PAPLN: variants seen among roughly 807,000 people sequenced by gnomAD.
PAPLN encodes papilin.
A neutral mutation model predicts 159.0 loss-of-function variants in PAPLN; 146 were observed. The ratio of observed to expected loss-of-function variants is 0.92; its 90% confidence interval spans 0.80 to 1.05. The LOEUF (loss-of-function observed/expected upper bound fraction) is 1.05, where lower values mean the gene tolerates loss of function less well. PAPLN is among the 50% of genes least tolerant of loss of function. PAPLN has a pLI of 0.00. For synonymous variants in PAPLN, 734 were observed against 702.9 expected, an observed-to-expected ratio of 1.04 and a Z score of -0.70; for missense variants, 1,720 against 1,743.9, an observed-to-expected ratio of 0.99 and a Z score of 0.24.
At position 73,264,301 on chromosome 14, in the gene PAPLN, C is replaced by T. The variant is rs760659933; in HGVS notation, c.2952C>T (p.Gly984=). The T allele has an allele frequency of 6.2e-7, 1 of 1,613,862 alleles. No homozygotes were observed. Residue 984 remains glycine (G), a synonymous_variant, in exon 21 of 27, where the codon GGC becomes GGT. Transcript: ENST00000644200. ...ACAGCTGTGGCAGCACCCGGCCAGG[C>T]CGCGACTCCCAGAAGATCCAACTTC... ...GTYSCGSTRP[G]RDSQKIQLRI... is the part of the protein sequence containing the mutation.
In PAPLN at chr14:73,259,274, A is replaced by C. The variant is rs1345232633; in HGVS notation, c.1714A>C (p.Arg572=). The change falls in exon 16 of 27, where the codon AGA becomes CGA. Residue 572 remains arginine, a synonymous_variant. Transcript: ENST00000644200. ...CTTTTGCTTCTTCTTTCTAGACTCC[A>C]GAGGCCAGTGGTGGGCAGCCCAGGA... is the stretch of plus-strand genomic sequence containing the variant. ...GPQESPASDS[R]GQWWAAQEHP... 6.4e-7 allele frequency: 1 copy of C among 1,555,268 alleles called. No homozygotes were observed. The highest frequency in any genetic ancestry group is 1.4e-5 in the African/African-American group (1 of 73,194).
At chr14:73,239,322 C>T (rs1445642726) in intron 1 of PAPLN, among the ~76,000 whole-genome samples, 2 of 152,210 alleles carry the variant, frequency 1.3e-5, no homozygotes, top group African/African-American at 2.4e-5. Context: ...ACTTTTAGAG[C>T]ATTTGGGTTT....
At chr14:73,246,567 C>T (rs1884377200) in intron 5 of PAPLN, among the ~76,000 whole-genome samples, 2 of 151,102 alleles carry the variant, frequency 1.3e-5, no homozygotes, top group South Asian at 4.2e-4. Context: ...TTTTCTTTCT[C>T]TCTCGTTCTC....
intron 26 of PAPLN, 28 bp from the exon 27 acceptor site, chr14:73,272,467 A>G (rs1330402836): frequency 6.7e-7 from 1 of 1,489,878 alleles, no homozygotes; most frequent in Admixed American, 2.2e-5. Context: ...CTTCCTCACC[A>G]CCTTCTCTCT....
intron 14 of PAPLN, 29 bp downstream of exon 14, chr14:73,255,047 G>A (rs376243056): frequency 6.3e-5 from 100 of 1,596,518 alleles, no homozygotes; most frequent in African/African-American, 4.7e-4. Flanking sequence ...GGAGGAGTCC[G>A]GCCTCTGACC....
At chr14:73,248,075 CTGTGTGTGTGTG>C (rs71112722) in intron 5 of PAPLN, among the ~76,000 whole-genome samples, 4 of 45,594 alleles carry the variant, frequency 8.8e-5, no homozygotes, top group African/African-American at 1.6e-4. Flanking sequence ...CTCATATCCT[CTGTGTGTGTGTG>C]TGTGTGTGTG....
chr14:73,253,710 C>A (rs201943718), intron 11 of PAPLN, 44 bp from the exon 12 acceptor site: 3 of 1,528,756 alleles, frequency 2.0e-6, no homozygotes, highest in Non-Finnish European at 2.7e-6. Context: ...TGGGTTTCTG[C>A]CCATGCTCCT....
intron 25 of PAPLN, 31 bp from the exon 26 acceptor site, chr14:73,268,526 G>A: frequency 6.3e-7 from 1 of 1,596,222 alleles, no homozygotes; most frequent in Non-Finnish European, 8.5e-7. Context: ...AGAGGCCCTT[G>A]ATGGCTCTCC....
chr14:73,266,476 C>A, intron 23 of PAPLN, 25 bp from the exon 24 acceptor site: 1 of 1,611,952 alleles, frequency 6.2e-7, no homozygotes, highest in South Asian at 1.1e-5. Flanking sequence ...TGGGCTGGAG[C>A]CAACTGGCTG....
intron 26 of PAPLN, 120 bp from the exon 27 acceptor site, chr14:73,272,375 T>G (rs1428245312): frequency 1.0e-6 from 1 of 975,024 alleles, no homozygotes. Flanking sequence ...TAAGTGCACT[T>G]CGTTTTCAAT....
Position 73,260,793 on chromosome 14 carries a change from C to A in PAPLN, c.2070C>A (p.Thr690=), listed in dbSNP as rs144436642. 13 of 1,493,614 alleles carry A rather than the reference C, an allele frequency of 8.7e-6. No individual in the cohort carries two copies. Among genetic ancestry groups the A allele is most frequent in the Admixed American group, 2.5e-5 (1 of 40,698 alleles). The allele number at this position is 1,493,614 out of a possible 1,614,324, so 92.5% of individuals were successfully genotyped here. A position where few individuals can be genotyped will look rare whatever the true frequency, so the allele number is the denominator to read the frequency against. ...GCTKSYGGDS[T]GGMPRSRAVA... ...CAAAGTCGTATGGTGGTGACAGCAC[C>A]GGGGGCATGCCCAGGTCAAGGGCAG... Residue 690 remains threonine, a synonymous_variant, in exon 17 of 27, where the codon ACC becomes ACA. Coordinates refer to ENST00000644200, the MANE Select transcript of PAPLN (RefSeq NM_001365906.3).
rs776449368 is a variant in PAPLN, at chr14:73,252,171, A to ATGGCCCAGGGGAGGGCG, written c.967+33_967+34insCCCAGGGGAGGGCGTGG. On this transcript the variant is annotated intron_variant, in intron 10 of 26. Coordinates refer to ENST00000644200, the MANE Select transcript of PAPLN (RefSeq NM_001365906.3). ...GGGCGTGGATGGCCCAGGGGAGGGC[A>ATGGCCCAGGGGAGGGCG]TGGGCCCTGTGTGCTGGATCCCACG... 3.0e-5 allele frequency: 46 copies of ATGGCCCAGGGGAGGGCG among 1,556,618 alleles called. No individual in the cohort carries two copies. In the East Asian group the frequency reaches 1.1e-3, roughly 36 times the overall value.
intron 11 of PAPLN, among the ~76,000 whole-genome samples, chr14:73,253,406 C>T (rs1367060698): frequency 2.0e-5 from 3 of 152,208 alleles, no homozygotes; most frequent in Non-Finnish European, 2.9e-5. Context: ...CATGGGTGAG[C>T]ACAGCCTCTC....
rs1236216861 is a variant in PAPLN, at chr14:73,261,086, G to A, written c.2107-70G>A. 27 of 1,610,818 alleles carry A rather than the reference G, an allele frequency of 1.7e-5. No homozygotes were observed. In the East Asian group the frequency reaches 1.8e-4, roughly 11 times the overall value. On this transcript the variant is annotated intron_variant, in intron 17 of 26. Coordinates refer to ENST00000644200, the MANE Select transcript of PAPLN (RefSeq NM_001365906.3). ...GCCCCTCCTTCCTGCCATCCTCCCC[G>A]TGGCAGCCCAGAGTCCCCAACAATG...
In PAPLN at chr14:73,245,647, G is replaced by A. The variant is rs963382801; in HGVS notation, c.182G>A (p.Gly61Asp). The A allele has an allele frequency of 1.9e-6, 3 of 1,559,754 alleles. No homozygotes were observed. Among genetic ancestry groups the A allele is most frequent in the African/African-American group, 2.7e-5 (2 of 73,756 alleles). ...CTCTGGTCCCGCAGGAGAGATGGAG[G>A]CTCCAGCTGCGTGGGCCCCGCCCGG... ...RPCYSQRRDGGSSCVGPARSH... is the reference protein window; with the variant it reads ...RPCYSQRRDGDSSCVGPARSH... The change falls in exon 4 of 27, where the codon GGC becomes GAC. Residue 61 changes from glycine to aspartate, a missense_variant. Physicochemically the swap from Gly to Asp is moderately conservative, Grantham distance 94 (BLOSUM62 -1). Transcript: ENST00000644200. This position sits in a 1 kb window ranked among gnomAD's most constrained non-coding sequence, Gnocchi z 4.2.
intron 5 of PAPLN, among the ~76,000 whole-genome samples, chr14:73,248,269 G>A (rs1306810850): frequency 6.6e-6 from 1 of 151,030 alleles, no homozygotes; most frequent in African/African-American, 2.4e-5. Context: ...GTGTGTGTGT[G>A]TGTGTTGTGG....
At chr14:73,271,322 G>C (rs1887699156) in intron 26 of PAPLN, among the ~76,000 whole-genome samples, 1 of 152,102 alleles carries the variant, frequency 6.6e-6, no homozygotes, top group Non-Finnish European at 1.5e-5. Context: ...CCAAACGTTT[G>C]TAAGGTTGTT....
Position 73,252,739 on chromosome 14 carries a change from G to A in PAPLN, c.1058G>A (p.Arg353His), listed in dbSNP as rs369513507. 7.0e-5 allele frequency: 113 copies of A among 1,613,472 alleles called. No individual in the cohort carries two copies. Among genetic ancestry groups the A allele is most frequent in the Non-Finnish European group, 8.5e-5 (100 of 1,180,012 alleles). The change falls in exon 11 of 27, where the codon CGT (arginine) becomes CAT (histidine). Residue 353 changes from arginine to histidine, a missense_variant. Transcript: ENST00000644200. ...CQRQPRPADR[R>H]SCNLHPCPET... ...CGCCAGCCACGGCCAGCTGACCGGC[G>A]TTCCTGCAATCTTCACCCTTGCCCG...
intron 14 of PAPLN, 66 bp from the exon 15 acceptor site, chr14:73,258,913 C>A (rs2140270252): frequency 6.9e-7 from 1 of 1,440,702 alleles, no homozygotes; most frequent in Non-Finnish European, 9.3e-7. Flanking sequence ...GCAGGGCTGG[C>A]CACAGCTCAG....
Sources: allele counts gnomAD v4.1 joint callset (sites outside exome capture counted in the v4.1 genomes callset), GRCh38; gene constraint gnomAD v4.1.1; non-coding constraint Gnocchi (gnomAD v3.1); transcripts MANE v1.5; gene names NCBI Gene and HGNC (gene_info 2026-07-23, HGNC 2026-07-21).